The following DMD variants were observed in gnomAD, a reference collection of about 807,000 sequenced individuals.
DMD encodes the protein mutant dystrophin.
DMD carries 63 observed loss-of-function variants against 330.1 expected under a neutral mutation model. That is an observed-to-expected ratio of 0.19 (90% CI 0.16 to 0.24). The LOEUF is 0.24. Ranked by LOEUF, DMD falls within the 10% of genes least tolerant of loss-of-function variation. DMD has a pLI of 1.00. For synonymous variants in DMD, 1,223 were observed against 959.8 expected, an observed-to-expected ratio of 1.27 and a Z score of -5.07; for missense variants, 3,344 against 2,684.1, an observed-to-expected ratio of 1.25 and a Z score of -5.43.
At chrX:32,383,967 T>C (rs1379707660) in intron 33 of DMD, among the ~76,000 whole-genome samples, 6 of 110,015 alleles carry the variant, frequency 5.5e-5, no homozygotes, top group Non-Finnish European at 9.6e-5. Context: ...AAAAGTAAAC[T>C]GAGAAACTCC....
intron 60 of DMD, among the ~76,000 whole-genome samples, chrX:31,410,922 T>TGTG (rs201871374): frequency 1.4e-5 from 1 of 72,335 alleles, no homozygotes; most frequent in Non-Finnish European, 2.4e-5. Context: ...TGTGTGTGTG[T>TGTG]TTTTTTTTTT....
chrX:32,064,070 T>C (rs1001257511), intron 44 of DMD, among the ~76,000 whole-genome samples: 20 of 111,203 alleles, frequency 1.8e-4, no homozygotes, highest in Admixed American at 1.4e-3. Flanking sequence ...CGATTTATTC[T>C]CAACGAATGA....
At chrX:33,215,930 T>C (rs1397907917), upstream of DMD, among the ~76,000 whole-genome samples, 1 of 112,210 alleles carries the variant, frequency 8.9e-6, no homozygotes, top group Admixed American at 9.5e-5. Flanking sequence ...TGTAGGCTTA[T>C]AGTATAGCTT....
intron 36 of DMD, among the ~76,000 whole-genome samples, chrX:32,363,471 C>T (rs1363978090): frequency 8.9e-6 from 1 of 111,861 alleles, no homozygotes; most frequent in Non-Finnish European, 1.9e-5. Flanking sequence ...CTAACACATA[C>T]GAATTTTCTG....
At chrX:32,072,180 G>T (rs764566729) in intron 44 of DMD, among the ~76,000 whole-genome samples, 2 of 111,160 alleles carry the variant, frequency 1.8e-5, no homozygotes, top group East Asian at 2.8e-4. Context: ...TATCTTGAGC[G>T]GTTGGGTGCT....
chrX:32,674,197 T>C (rs756342153), intron 9 of DMD, among the ~76,000 whole-genome samples: 4 of 111,934 alleles, frequency 3.6e-5, no homozygotes, highest in African/African-American at 1.3e-4. Context: ...AGTTTAGTTT[T>C]AATCAGGATG....
chrX:31,729,765 C>T lies in DMD; in HGVS notation c.7543-17G>A. ...CATTGTTGCCTGTAAGAACAAATAT[C>T]CCTTAGTATCAGGGTTCTTCAGCGT... On this transcript the variant is annotated splice_polypyrimidine_tract_variant and intron_variant, in intron 51 of 78. Transcript: ENST00000357033. 2 of 1,151,120 alleles carry T rather than the reference C, an allele frequency of 1.7e-6. No individual in the cohort carries two copies. Among genetic ancestry groups the T allele is most frequent in the East Asian group, 3.0e-5 (1 of 33,605 alleles). 94.9% of individuals were successfully genotyped at this position (1,151,120 alleles called of 1,213,427 possible).
intron 71 of DMD, 109 bp downstream of exon 71, chrX:31,177,823 A>T: frequency 1.3e-6 from 1 of 779,302 alleles, no homozygotes; most frequent in Non-Finnish European, 1.9e-6. Context: ...TAATATGTCC[A>T]TAAAACAAAA....
At chrX:32,904,475 CAAG>C (rs1392716004) in intron 2 of DMD, among the ~76,000 whole-genome samples, 1 of 111,878 alleles carries the variant, frequency 8.9e-6, no homozygotes, top group African/African-American at 3.2e-5. Context: ...ATGGAAAATT[CAAG>C]AAGGTTTTGA....
At chrX:31,251,293 G>C (rs1603225969) in intron 63 of DMD, among the ~76,000 whole-genome samples, 1 of 110,282 alleles carries the variant, frequency 9.1e-6, no homozygotes, top group African/African-American at 3.3e-5. Context: ...ACCATGCCTG[G>C]CCTTAAAGTG....
At chrX:32,680,323 A>T (rs1397427974) in intron 9 of DMD, among the ~76,000 whole-genome samples, 5 of 111,714 alleles carry the variant, frequency 4.5e-5, no homozygotes. Flanking sequence ...AACATCACTA[A>T]GAACTTCAAA....
At chrX:31,716,632 A>G (rs1469295671) in intron 52 of DMD, among the ~76,000 whole-genome samples, 1 of 111,673 alleles carries the variant, frequency 9.0e-6, no homozygotes, top group Non-Finnish European at 1.9e-5. Context: ...CGGGCTAAAC[A>G]TTATTTTGCT....
intron 43 of DMD, among the ~76,000 whole-genome samples, chrX:32,256,253 C>T (rs1392460406): frequency 9.2e-6 from 1 of 109,261 alleles, no homozygotes; most frequent in East Asian, 2.9e-4. Flanking sequence ...CCTTCTTTGT[C>T]TTTCTTGATC....
intron 7 of DMD, among the ~76,000 whole-genome samples, chrX:32,710,217 G>A (rs1261084306): frequency 2.8e-5 from 3 of 108,880 alleles, no homozygotes; most frequent in African/African-American, 6.7e-5. Flanking sequence ...TACAGCCCAA[G>A]GTCATACAAC....
At chrX:33,130,243 C>T (rs1438679200) in intron 1 of DMD, among the ~76,000 whole-genome samples, 2 of 111,732 alleles carry the variant, frequency 1.8e-5, no homozygotes, top group African/African-American at 6.5e-5. Flanking sequence ...AGTACAAATA[C>T]GCAGTACTGT....
intron 60 of DMD, among the ~76,000 whole-genome samples, chrX:31,430,694 T>C (rs1261472971): frequency 9.1e-6 from 1 of 109,982 alleles, no homozygotes; most frequent in Non-Finnish European, 1.9e-5. Flanking sequence ...TGTAGCCACA[T>C]GGGCAACTTT....
At chrX:31,221,445 T>C (rs1408014964) in intron 64 of DMD, among the ~76,000 whole-genome samples, 1 of 112,246 alleles carries the variant, frequency 8.9e-6, no homozygotes, top group African/African-American at 3.2e-5. Flanking sequence ...CTCTTCTTTC[T>C]GACTAGAACG....
At chrX:32,280,144 GTATATATATATATATATACAGTA>G (rs1369815755) in intron 43 of DMD, among the ~76,000 whole-genome samples, 1,219 of 46,139 alleles carry the variant, frequency 0.026, 3 homozygotes, top group African/African-American at 0.03. Context: ...TATATATACA[GTATATATATATATATATACAGTA>G]TATATATATA....
At chrX:33,064,864 C>T (rs1345258416) in intron 1 of DMD, among the ~76,000 whole-genome samples, 1 of 110,362 alleles carries the variant, frequency 9.1e-6, no homozygotes, top group Admixed American at 9.8e-5. Flanking sequence ...ACTTCAGCCT[C>T]GGGGTCAGAG....
Sources: gnomAD v4.1 joint callset for allele counts (sites outside exome capture counted in the v4.1 genomes callset) on GRCh38, gnomAD v4.1.1 for gene constraint, MANE v1.5 for transcripts, NCBI Gene and HGNC (gene_info 2026-07-23, HGNC 2026-07-21) for gene names.